The following TTLL12 variants were observed in gnomAD, a reference collection of about 807,000 sequenced individuals.
TTLL12 encodes tubulin tyrosine ligase like 12.
Under a neutral mutation model 79.6 loss-of-function variants are expected in TTLL12, and 77 were observed. The ratio of observed to expected loss-of-function variants is 0.97; its 90% CI spans 0.81 to 1.17. The LOEUF is 1.17. Among genes scored for constraint, TTLL12 ranks in the 50% most tolerant of loss-of-function variants. The probability of loss-of-function intolerance (pLI) is 0.00; values close to 1 mark genes in which losing one functional copy is unlikely to be tolerated. For missense variants in TTLL12, 969 were observed against 895.9 expected (o/e 1.08, Z -1.04); for synonymous variants, 437 against 376.1 (o/e 1.16, Z -1.87).
chr22:43,174,161 C>A (rs1381555161), intron 8 of TTLL12, 48 bp downstream of exon 8: 9 of 1,573,212 alleles, frequency 5.7e-6, no homozygotes, highest in Middle Eastern at 1.7e-4. Context: ...AGACGCTGGG[C>A]CGGGGAAAAG....
rs28685261 is a variant in TTLL12, at chr22:43,167,168, C to G, written c.*840G>C. ...CTCATTGGAATCCTTTTCTGTCTGG[C>G]GCTCCACCGCCCACAATCAGCCCCA... is the stretch of plus-strand genomic sequence containing the variant. On this transcript the variant is annotated 3_prime_UTR_variant, in exon 14 of 14. Transcript: ENST00000216129. 1 of 531,404 alleles carries G rather than the reference C, an allele frequency of 1.9e-6. No individual in the cohort carries two copies. The highest frequency in any genetic ancestry group is 1.4e-5 in the South Asian group (1 of 71,000). The allele number at this position is 531,404 out of a possible 1,614,324, so 32.9% of individuals were successfully genotyped here. A position where few individuals can be genotyped will look rare whatever the true frequency, so the allele number is the denominator to read the frequency against.
chr22:43,179,666 G>A lies in TTLL12; in HGVS notation c.793C>T (p.Leu265=). The A allele has an allele frequency of 6.3e-7, 1 of 1,582,364 alleles. No individual in the cohort carries two copies. Among genetic ancestry groups the A allele is most frequent in the East Asian group, 2.2e-5 (1 of 44,446 alleles). ...TCGGGTGTGCAAGAGCTGAGGTCCA[G>A]CATGTCGGTGGGGGCCCAGGGCAGC... The part of the protein sequence containing the change: ...MLLPWAPTDM[L]DLSSCTPEPP... Residue 265 remains leucine (L), a synonymous_variant, in exon 5 of 14, where the codon CTG becomes TTG. Transcript: ENST00000216129.
chr22:43,186,821 C>T (rs1481252179), intron 1 of TTLL12, 72 bp downstream of exon 1: 2 of 1,220,988 alleles, frequency 1.6e-6, no homozygotes, highest in East Asian at 6.9e-5. Flanking sequence ...GCGCTCTTCC[C>T]TGTCCCGCGC....
intron 1 of TTLL12, among the ~76,000 whole-genome samples, chr22:43,184,594 G>A (rs1419098515): frequency 6.6e-6 from 1 of 152,242 alleles, no homozygotes; most frequent in Non-Finnish European, 1.5e-5. Context: ...TGAGAGACAA[G>A]GCACCTGAGA....
Position 43,174,744 on chromosome 22 carries a change from G to A in TTLL12, c.918-129C>T, listed in dbSNP as rs113731291. ...TGAGGCAGAGGCAAGTCCTGGGTTC[G>A]AGTCATGATGCTGGACAGCCCGGGT... On this transcript the variant is annotated intron_variant, in intron 6 of 13. Coordinates refer to ENST00000216129, the MANE Select transcript of TTLL12 (RefSeq NM_015140.4). The A allele has an allele frequency of 9.5e-5, 65 of 683,864 alleles. 1 individual carries two copies. Among genetic ancestry groups the A allele is most frequent in the Middle Eastern group, 8.3e-4 (2 of 2,398 alleles). The allele number at this position is 683,864 out of a possible 1,614,324, so 42.4% of individuals were successfully genotyped here.
intron 11 of TTLL12, among the ~76,000 whole-genome samples, chr22:43,171,329 C>G (rs1931758897): frequency 6.6e-6 from 1 of 152,198 alleles, no homozygotes; most frequent in African/African-American, 2.4e-5. Flanking sequence ...GATGGTGCAG[C>G]TGCCATTCAC....
At chr22:43,170,437 C>T (rs978759869) in intron 11 of TTLL12, among the ~76,000 whole-genome samples, 2 of 152,220 alleles carry the variant, frequency 1.3e-5, no homozygotes, top group African/African-American at 4.8e-5. Flanking sequence ...CGGACATGGG[C>T]ATGGCCAGGT....
At chr22:43,186,635 G>C (rs73886420) in intron 1 of TTLL12, among the ~76,000 whole-genome samples, 99 of 152,304 alleles carry the variant, frequency 6.5e-4, no homozygotes, top group African/African-American at 2.3e-3. Flanking sequence ...TCAGGCTCGG[G>C]TGTGTGGAGG....
rs781509141 is a variant in TTLL12, at chr22:43,179,618, C to G, written c.840+1G>C. 3 of 1,579,380 alleles carry G rather than the reference C, an allele frequency of 1.9e-6. No homozygotes were observed. Among genetic ancestry groups the G allele is most frequent in the South Asian group, 2.3e-5 (2 of 86,732 alleles). ...GCCTGGTGGGTGGAGGAGGGCTGCA[C>G]CTGGTAGTGCTCGGCGGGCGGCTCG... is the stretch of plus-strand genomic sequence containing the variant. On this transcript the variant is annotated splice_donor_variant, in intron 5 of 13. Transcript: ENST00000216129. LOFTEE classifies it high-confidence loss of function.
chr22:43,184,490 G>C (rs867990283), intron 1 of TTLL12, among the ~76,000 whole-genome samples: 20 of 152,340 alleles, frequency 1.3e-4, no homozygotes, highest in Non-Finnish European at 2.2e-4. Context: ...ATGAGGCTAC[G>C]GGGTGAGGAT....
At chr22:43,168,669 AGCCAGAGGACAGCCTGGGGCAGCTGCCT>A (rs1931680942) in intron 13 of TTLL12, 77 bp downstream of exon 13, 6 of 1,474,924 alleles carry the variant, frequency 4.1e-6, no homozygotes, top group Non-Finnish European at 5.5e-6. Flanking sequence ...GGCTGATTCA[AGCCAGAGGACAGCCTGGGGCAGCTGCCT>A]GCCTTCTCCA....
chr22:43,182,718 C>A (rs1336285934), intron 2 of TTLL12, among the ~76,000 whole-genome samples: 1 of 152,182 alleles, frequency 6.6e-6, no homozygotes, highest in African/African-American at 2.4e-5. Context: ...TTCTAATCCC[C>A]TGTAGCAGGA....
chr22:43,183,808 G>A (rs1009838346), intron 1 of TTLL12, among the ~76,000 whole-genome samples: 1 of 152,242 alleles, frequency 6.6e-6, no homozygotes, highest in Admixed American at 6.5e-5. Flanking sequence ...CCACACTCAC[G>A]CCCTGTCTGC....
At chr22:43,178,285 C>T (rs903807336) in intron 5 of TTLL12, among the ~76,000 whole-genome samples, 2 of 151,546 alleles carry the variant, frequency 1.3e-5, no homozygotes, top group African/African-American at 4.9e-5. Context: ...TCAGCAGCGC[C>T]CACACAAACA....
intron 13 of TTLL12, 76 bp downstream of exon 13, chr22:43,168,698 G>C (rs1931681640): frequency 6.5e-7 from 1 of 1,527,418 alleles, no homozygotes; most frequent in Admixed American, 2.0e-5. Flanking sequence ...GCAGCTGCCT[G>C]CCTTCTCCAG....
At chr22:43,180,979 C>G in intron 2 of TTLL12, 39 bp from the exon 3 acceptor site, 1 of 1,592,800 alleles carries the variant, frequency 6.3e-7, no homozygotes, top group Middle Eastern at 2.2e-4. Context: ...GCCGGGTGGG[C>G]ATGGGGCAAA....
At position 43,168,783 on chromosome 22, in the gene TTLL12, C is replaced by G. The variant is rs367694491; in HGVS notation, c.1774G>C (p.Gly592Arg). 6.4e-7 allele frequency: 1 copy of G among 1,559,790 alleles called. No homozygotes were observed. Residue 592 changes from glycine (G) to arginine (R), a missense_variant, in exon 13 of 14, where the codon GGC becomes CGC. Physicochemically the swap from Gly to Arg is moderately radical, Grantham distance 125. Transcript: ENST00000216129. ...GGGGAGCCCCTCTTACCATCTGGGC[C>G]GTTGTCCCACTTCAGCATGAGGTCG... ...AVDLMLKWDN[G>R]PDGRRVMQPQ...
chr22:43,187,103 A>ACCGCCG lies in TTLL12; in HGVS notation c.-40_-35dup, dbSNP rs532056292. ...CACCCGCGCCGACTCCAGCGCCGCC[A>ACCGCCG]CCGCCGCCGCCGCCCGCCGTCCGTC... On this transcript the variant is annotated 5_prime_UTR_variant, in exon 1 of 14. Transcript: ENST00000216129. 0.017 allele frequency: 17,714 copies of ACCGCCG among 1,013,900 alleles called. 1,746 individuals carry two copies. Among genetic ancestry groups the ACCGCCG allele is most frequent in the Non-Finnish European group, 0.019 (16,248 of 850,692 alleles). 62.8% of individuals were successfully genotyped at this position (1,013,900 alleles called of 1,614,324 possible).
At chr22:43,182,339 G>A (rs1470994017) in intron 2 of TTLL12, among the ~76,000 whole-genome samples, 2 of 152,228 alleles carry the variant, frequency 1.3e-5, no homozygotes. Context: ...CTCCCAGCTG[G>A]AGGAGGAGGC....
Sources: gnomAD v4.1 joint callset for allele counts (sites outside exome capture counted in the v4.1 genomes callset) on GRCh38, gnomAD v4.1.1 for gene constraint, MANE v1.5 for transcripts, NCBI Gene and HGNC (gene_info 2026-07-23, HGNC 2026-07-21) for gene names.